The following ODAD2 variants were observed in gnomAD, a reference collection of about 807,000 sequenced individuals.
The protein encoded by ODAD2 is outer dynein arm-docking complex subunit 2.
A neutral mutation model predicts 106.8 loss-of-function variants in ODAD2; 89 were observed. That is an observed-to-expected ratio of 0.83 (90% confidence interval 0.70 to 0.99). The LOEUF is 0.99. ODAD2 is among the 50% of genes least tolerant of loss of function. The pLI is 0.00. For synonymous variants in ODAD2, 404 were observed against 436.2 expected, an observed-to-expected ratio of 0.93 and a Z score of 0.92; for missense variants, 1,168 against 1,238.5, an observed-to-expected ratio of 0.94 and a Z score of 0.85.
chr10:27,930,077 T>C (rs1201331568), intron 16 of ODAD2, among the ~76,000 whole-genome samples: 1 of 152,038 alleles, frequency 6.6e-6, no homozygotes, highest in Non-Finnish European at 1.5e-5. Context: ...TATATATTTT[T>C]ATTTTTTATT....
At chr10:27,952,084 A>AAAAAAAAAAAAAAAAAAAAAAAAAAAAC (rs1847375283) in intron 10 of ODAD2, among the ~76,000 whole-genome samples, 1 of 149,990 alleles carries the variant, frequency 6.7e-6, no homozygotes, top group African/African-American at 2.4e-5. Flanking sequence ...CAAAAAAAAA[A>AAAAAAAAAAAAAAAAAAAAAAAAAAAAC]AAAAAAAAGA....
intron 19 of ODAD2, among the ~76,000 whole-genome samples, chr10:27,821,078 C>G (rs1836572146): frequency 1.3e-5 from 2 of 152,154 alleles, no homozygotes; most frequent in Admixed American, 1.3e-4. Context: ...CCGTGCCCAG[C>G]CAGCATTCCA....
intron 19 of ODAD2, among the ~76,000 whole-genome samples, chr10:27,824,102 C>A (rs1439972847): frequency 4.9e-5 from 5 of 101,152 alleles, no homozygotes; most frequent in Non-Finnish European, 6.7e-5. Flanking sequence ...GATTGCGCCA[C>A]TGCACTCCAG....
chr10:27,870,237 A>C (rs1840761869), intron 17 of ODAD2, among the ~76,000 whole-genome samples: 1 of 152,018 alleles, frequency 6.6e-6, no homozygotes, highest in Non-Finnish European at 1.5e-5. Flanking sequence ...TTTCTCTCCC[A>C]ATCTCAATCT....
chr10:27,865,064 G>A (rs1840343952), intron 17 of ODAD2, among the ~76,000 whole-genome samples: 1 of 152,006 alleles, frequency 6.6e-6, no homozygotes, highest in Non-Finnish European at 1.5e-5. Flanking sequence ...TTCTTCCACA[G>A]CAACCCCTGC....
chr10:27,944,051 A>G (rs1279256000), intron 12 of ODAD2, among the ~76,000 whole-genome samples, 171 bp downstream of exon 12: 3 of 152,060 alleles, frequency 2.0e-5, no homozygotes, highest in South Asian at 2.1e-4. Flanking sequence ...TTGGACACTC[A>G]CTAATATAAA....
At chr10:27,919,345 C>T (rs1844614328) in intron 16 of ODAD2, among the ~76,000 whole-genome samples, 1 of 152,084 alleles carries the variant, frequency 6.6e-6, no homozygotes, top group South Asian at 2.1e-4. Context: ...AAAAATTGAC[C>T]TTCCTCATAT....
intron 13 of ODAD2, 36 bp downstream of exon 13, chr10:27,940,527 T>G: frequency 6.2e-7 from 1 of 1,605,844 alleles, no homozygotes; most frequent in Non-Finnish European, 8.5e-7. Flanking sequence ...GAAAGTCAAG[T>G]TGAGAAGGCA....
At chr10:27,951,264 C>T (rs1037009119) in intron 10 of ODAD2, among the ~76,000 whole-genome samples, 7 of 152,120 alleles carry the variant, frequency 4.6e-5, no homozygotes, top group African/African-American at 1.7e-4. Flanking sequence ...ACATGATTTT[C>T]AACTCATTCT....
At chr10:27,972,646 C>T (rs189739650) in intron 7 of ODAD2, among the ~76,000 whole-genome samples, 15 of 152,112 alleles carry the variant, frequency 9.9e-5, no homozygotes, top group Admixed American at 7.2e-4. Flanking sequence ...CAGACAATAT[C>T]GACTCCAAAG....
rs781262758 is a variant in ODAD2 at position 27,944,986 on chromosome 10, A to G, written c.1387-24T>C. Reference sequence around the variant, plus strand: ...CCCTACAAAGATGCAATGCCAGAGAAAGGTTAAGGAACACCGCATTCCCAT... The same window carrying G: ...CCCTACAAAGATGCAATGCCAGAGAGAGGTTAAGGAACACCGCATTCCCAT... On this transcript the variant is annotated intron_variant, in intron 10 of 19. Coordinates refer to ENST00000305242, the MANE Select transcript of ODAD2 (RefSeq NM_018076.5). The G allele has an allele frequency of 2.5e-5, 40 of 1,612,870 alleles. No homozygotes were observed. In the East Asian group the frequency reaches 8.9e-4, roughly 36 times the overall value.
chr10:27,920,847 C>T (rs944269382), intron 16 of ODAD2, among the ~76,000 whole-genome samples: 8 of 150,314 alleles, frequency 5.3e-5, no homozygotes, highest in African/African-American at 2.0e-4. Flanking sequence ...ACAAATAAAC[C>T]CAATGTAAAA....
At chr10:27,954,624 ATAAACTGTTATGAG>A (rs1847596456) in intron 10 of ODAD2, among the ~76,000 whole-genome samples, 2 of 152,378 alleles carry the variant, frequency 1.3e-5, no homozygotes, top group East Asian at 3.9e-4. Context: ...TAGTGGTCGC[ATAAACTGTTATGAG>A]TCAGTAGCAC....
chr10:27,946,450 T>C (rs1162885436), intron 10 of ODAD2, among the ~76,000 whole-genome samples: 3 of 152,092 alleles, frequency 2.0e-5, no homozygotes, highest in East Asian at 3.8e-4. Flanking sequence ...TTCTGATGCA[T>C]GTATAAAATG....
intron 2 of ODAD2, among the ~76,000 whole-genome samples, chr10:27,993,738 A>T (rs1347785545): frequency 6.6e-6 from 1 of 152,188 alleles, no homozygotes; most frequent in East Asian, 1.9e-4. Context: ...TTTGAAATAC[A>T]GTTTAAGAAT....
At chr10:27,904,262 C>T (rs867121348) in intron 17 of ODAD2, 6 of 408,842 alleles carry the variant, frequency 1.5e-5, no homozygotes, top group Non-Finnish European at 2.5e-5. Context: ...GTGGCAAGCA[C>T]CAACCCCACA....
At chr10:27,820,552 A>G (rs1391206422) in intron 19 of ODAD2, among the ~76,000 whole-genome samples, 1 of 152,054 alleles carries the variant, frequency 6.6e-6, no homozygotes, top group African/African-American at 2.4e-5. Context: ...ACGTTAGAAG[A>G]AAACTTTTAA....
chr10:27,912,514 C>T (rs1005454841), intron 16 of ODAD2, among the ~76,000 whole-genome samples: 5 of 152,130 alleles, frequency 3.3e-5, no homozygotes, highest in African/African-American at 1.2e-4. Context: ...GGCTCGCCTG[C>T]CCATTGAGGC....
rs1198045514 is a variant in ODAD2 at position 27,931,850 on chromosome 10, T to C, written c.2495+3160A>G. 2.0e-5 allele frequency among the ~76,000 whole-genome samples: 3 copies of C among 151,196 alleles called. No homozygotes were observed. The East Asian group carries it at 5.8e-4, about 29-fold the overall frequency. On this transcript the variant is annotated intron_variant, in intron 16 of 19. Transcript: ENST00000305242. ...CGCAAGAGTAAGTTCTAATCTATAA[T>C]AAATACAATTCAGTGCAGACACTCT... is the stretch of plus-strand genomic sequence containing the variant.
Sources: allele counts gnomAD v4.1 joint callset (sites outside exome capture counted in the v4.1 genomes callset), GRCh38; gene constraint gnomAD v4.1.1; transcripts MANE v1.5; gene names NCBI Gene and HGNC (gene_info 2026-07-23, HGNC 2026-07-21).